Variants in PARP9 observed in about 807,000 individuals in gnomAD.
PARP9 encodes the protein poly(ADP-ribose) polymerase family member 9.
PARP9 carries 48 observed loss-of-function variants against 68.8 expected under a neutral mutation model. The ratio of observed to expected loss-of-function variants is 0.70; its 90% confidence interval spans 0.55 to 0.89. The LOEUF is 0.89. PARP9 is among the 40% of genes least tolerant of loss of function. The pLI is 0.00. For synonymous variants in PARP9, 309 were observed against 333.8 expected (o/e 0.93, Z 0.81); for missense variants, 806 against 969.3 (o/e 0.83, Z 2.24).
chr3:122,534,893 A>C, intron 10 of PARP9: 1 of 955,280 alleles, frequency 1.0e-6, no homozygotes, highest in African/African-American at 1.8e-5. Context: ...TAAATAAATA[A>C]ATAAAGAGAG....
chr3:122,534,456 G>A, intron 10 of PARP9: 2 of 984,562 alleles, frequency 2.0e-6, no homozygotes, highest in Non-Finnish European at 2.4e-6. Context: ...TAAGTGGTGT[G>A]AGCCAGTGGC....
intron 5 of PARP9, 24 bp from the exon 6 acceptor site, chr3:122,550,826 A>C: frequency 6.3e-7 from 1 of 1,590,964 alleles, no homozygotes. Context: ...CAAATTTAAG[A>C]TCAGCATTTG....
intron 7 of PARP9, among the ~76,000 whole-genome samples, chr3:122,544,977 GT>G (rs1026681557): frequency 6.6e-6 from 1 of 152,174 alleles, no homozygotes; most frequent in Non-Finnish European, 1.5e-5. Context: ...GCGTTTGTTT[GT>G]TTTTTAAAGT....
In PARP9 at chr3:122,552,547, T is replaced by C. The variant is rs752033585; in HGVS notation, c.978A>G (p.Lys326=). 1.9e-6 allele frequency: 3 copies of C among 1,614,146 alleles called. No individual in the cohort carries two copies. Among genetic ancestry groups the C allele is most frequent in the East Asian group, 2.2e-5 (1 of 44,874 alleles). Residue 326 remains lysine, a synonymous_variant, in exon 5 of 11, where the codon AAA becomes AAG. Coordinates refer to ENST00000682323, the MANE Select transcript of PARP9 (RefSeq NM_001146105.2). ...SILQQAGVEM[K]SEFLATKAKQ... ...TAGCCTTTGTGGCAAGAAATTCCGA[T>C]TTCATTTCAACTCCTGCTTGTTGTA...
rs563230066 is a variant in PARP9, at chr3:122,548,133, C to T, written c.1326+2451G>A. 2.0e-5 allele frequency among the ~76,000 whole-genome samples: 3 copies of T among 152,354 alleles called. No homozygotes were observed. The South Asian group carries it at 6.2e-4, about 32-fold the overall frequency. On this transcript the variant is annotated intron_variant, in intron 6 of 10. Coordinates refer to ENST00000682323, the MANE Select transcript of PARP9 (RefSeq NM_001146105.2). ...TCTGTTTTCAGTGATGTCATATCAACAGCTTGAAAGCAGCCACAGAAATCA... is the reference window on the plus strand; with the variant it reads ...TCTGTTTTCAGTGATGTCATATCAATAGCTTGAAAGCAGCCACAGAAATCA...
intron 8 of PARP9, among the ~76,000 whole-genome samples, chr3:122,539,507 A>ATTCCTTCCTTTCTTTC (rs1553714534): frequency 2.3e-5 from 3 of 133,162 alleles, no homozygotes; most frequent in Non-Finnish European, 3.1e-5. Context: ...CCAAGATGGC[A>ATTCCTTCCTTTCTTTC]TTTCTTTCTT....
intron 10 of PARP9, chr3:122,533,457 AGTC>A (rs1365582988): frequency 6.4e-6 from 1 of 155,368 alleles, no homozygotes; most frequent in African/African-American, 2.4e-5. Flanking sequence ...GAAATTCCTA[AGTC>A]GTCATCATTG....
Position 122,540,688 on chromosome 3 carries a change from G to A in PARP9, c.1549C>T (p.Leu517=), listed in dbSNP as rs772333344. ...TCATGTTCCTTTCTCCCAAGGTACAGAATATGATTATTCTCAATGATGTGG... is the reference window on the plus strand; with the variant it reads ...TCATGTTCCTTTCTCCCAAGGTACAAAATATGATTATTCTCAATGATGTGG... The part of the protein sequence containing the change: ...NHHIIENNHI[L]YLGRKEHDIL... Residue 517 remains leucine (L), a synonymous_variant, in exon 8 of 11, where the codon CTG becomes TTG. Transcript: ENST00000682323. 3.7e-6 allele frequency: 6 copies of A among 1,614,174 alleles called. No homozygotes were observed. The South Asian group carries it at 5.5e-5, about 15-fold the overall frequency.
At position 122,552,490 on chromosome 3, in the gene PARP9, G is replaced by A; in HGVS notation, c.1035C>T (p.Val345=). 1 of 1,614,060 alleles carries A rather than the reference G, an allele frequency of 6.2e-7. No homozygotes were observed. Among genetic ancestry groups the A allele is most frequent in the Non-Finnish European group, 8.5e-7 (1 of 1,180,010 alleles). The change falls in exon 5 of 11, where the codon GTC becomes GTT. Residue 345 remains valine (V), a synonymous_variant. Coordinates refer to ENST00000682323, the MANE Select transcript of PARP9 (RefSeq NM_001146105.2). ...KQFQRSQLVL[V]TKGFNLFCKY... ...TACAGAACAAGTTAAATCCTTTTGT[G>A]ACCAGTACCAACTGGGACCGTTGAA... is the stretch of plus-strand genomic sequence containing the variant.
chr3:122,528,191 A>G lies in PARP9; in HGVS notation c.*173T>C. 1.3e-6 allele frequency: 1 copy of G among 772,896 alleles called. No homozygotes were observed. Among genetic ancestry groups the G allele is most frequent in the Non-Finnish European group, 2.0e-6 (1 of 499,708 alleles). 47.9% of individuals were successfully genotyped at this position (772,896 alleles called of 1,614,324 possible). On this transcript the variant is annotated 3_prime_UTR_variant, in exon 11 of 11. Transcript: ENST00000682323. Reference sequence around the variant, plus strand: ...TACCTACCCCAACCCCAAGACATAAAGACAGATAAAGGCACTAAGATGCTA... The same window carrying G: ...TACCTACCCCAACCCCAAGACATAAGGACAGATAAAGGCACTAAGATGCTA...
intron 6 of PARP9, chr3:122,545,893 G>A (rs1032305633): frequency 1.2e-5 from 2 of 169,062 alleles, no homozygotes; most frequent in African/African-American, 4.8e-5. Context: ...ACCAAACTTG[G>A]TCTGTAAATT....
intron 3 of PARP9, among the ~76,000 whole-genome samples, chr3:122,557,734 C>T (rs545705803): frequency 1.8e-4 from 28 of 152,278 alleles, no homozygotes; most frequent in Admixed American, 1.6e-3. Flanking sequence ...TTTTTGCACT[C>T]CTAATTCCAT....
chr3:122,536,932 AC>A lies in PARP9; in HGVS notation c.1905+1del. 1 of 1,606,728 alleles carries A rather than the reference AC, an allele frequency of 6.2e-7. No individual in the cohort carries two copies. Reference sequence around the variant, plus strand: ...CCAAATCTTCCCCTTTGTTAGGTATACCTTTAGAACCTGCAAACCACATTTT... The same window carrying A: ...CCAAATCTTCCCCTTTGTTAGGTATACTTTAGAACCTGCAAACCACATTTT... On this transcript the variant is annotated splice_donor_variant, in intron 9 of 10. Transcript: ENST00000682323. LOFTEE classifies it high-confidence loss of function.
chr3:122,544,757 G>A (rs768971316), intron 7 of PARP9, among the ~76,000 whole-genome samples: 1 of 152,220 alleles, frequency 6.6e-6, no homozygotes, highest in African/African-American at 2.4e-5. Flanking sequence ...GATGGCTTGA[G>A]CCTGTGAAGC....
chr3:122,536,652 A>G (rs1376814815), intron 9 of PARP9: 3 of 536,196 alleles, frequency 5.6e-6, no homozygotes, highest in Non-Finnish European at 6.4e-6. Context: ...ATTATAACAC[A>G]GTGTGATAAA....
chr3:122,561,045 G>C (rs569918279), intron 1 of PARP9, among the ~76,000 whole-genome samples: 1 of 152,284 alleles, frequency 6.6e-6, no homozygotes, highest in East Asian at 1.9e-4. Flanking sequence ...GGTTCCTACT[G>C]TGTTTCCTTC....
At chr3:122,557,287 T>C (rs536709404) in intron 3 of PARP9, among the ~76,000 whole-genome samples, 142 of 150,642 alleles carry the variant, frequency 9.4e-4, no homozygotes, top group African/African-American at 3.3e-3. Context: ...AGTTCCCTGG[T>C]GAGGAGGAGT....
intron 1 of PARP9, among the ~76,000 whole-genome samples, chr3:122,562,275 C>T (rs938383280): frequency 1.3e-5 from 2 of 151,890 alleles, no homozygotes; most frequent in African/African-American, 4.8e-5. Context: ...CTCCGCCTCC[C>T]GGGTTCACGC....
At chr3:122,534,536 TC>T in intron 10 of PARP9, 2 of 708,538 alleles carry the variant, frequency 2.8e-6, no homozygotes, top group Non-Finnish European at 3.5e-6. Context: ...CCTTTTTATA[TC>T]ACTATATAAT....
Sources: gnomAD v4.1 joint callset for allele counts (sites outside exome capture counted in the v4.1 genomes callset) on GRCh38, gnomAD v4.1.1 for gene constraint, MANE v1.5 for transcripts, NCBI Gene and HGNC (gene_info 2026-07-23, HGNC 2026-07-21) for gene names.